The following NADK2 variants were observed in gnomAD, a reference collection of about 807,000 sequenced individuals.
NADK2 encodes NAD kinase domain-containing protein 1, mitochondrial.
Under a neutral mutation model 62.1 loss-of-function variants are expected in NADK2, and 35 were observed. The ratio of observed to expected loss-of-function variants is 0.56; its 90% confidence interval spans 0.43 to 0.75. NADK2 has a LOEUF of 0.75. Among genes scored for constraint, NADK2 ranks in the 30% least tolerant of loss-of-function variants. The probability of loss-of-function intolerance (pLI) is 0.00; values close to 1 mark genes in which losing one functional copy is unlikely to be tolerated. For missense variants in NADK2, 439 were observed against 561.3 expected, an observed-to-expected ratio of 0.78 and a Z score of 2.20; for synonymous variants, 205 against 207.9, an observed-to-expected ratio of 0.99 and a Z score of 0.12.
chr5:36,227,618 T>C (rs1747532604), intron 1 of NADK2, 53 bp from the exon 2 acceptor site: 9 of 969,370 alleles, frequency 9.3e-6, no homozygotes, highest in African/African-American at 1.7e-5. Context: ...ACACATGATG[T>C]TCTAATATTA....
chr5:36,233,694 A>G (rs1747793368), intron 1 of NADK2, among the ~76,000 whole-genome samples: 1 of 152,196 alleles, frequency 6.6e-6, no homozygotes, highest in African/African-American at 2.4e-5. Context: ...TATAAAACAT[A>G]CAAGGCTAAA....
Position 36,193,644 on chromosome 5 carries a change from C to A in NADK2, c.*1500G>T, listed in dbSNP as rs1224293749. The A allele has an allele frequency of 2.0e-5, 3 of 151,438 alleles. No individual in the cohort carries two copies. Among genetic ancestry groups the A allele is most frequent in the Non-Finnish European group, 2.9e-5 (2 of 67,920 alleles). 9.4% of individuals were successfully genotyped at this position (151,438 alleles called of 1,614,324 possible). On this transcript the variant is annotated 3_prime_UTR_variant, in exon 12 of 12. Transcript: ENST00000381937. ...ATTTCTATCTGATATGTCATAAATT[C>A]TTTGCTATGAATGTCTACGCAGATA...
Position 36,241,356 on chromosome 5 carries a change from G to A in NADK2, c.300+143C>T, listed in dbSNP as rs1418557761. ...AAGGAGGCCCAGGGAGAAGCCAGAGGACCTGGGGGCCGCGAGAGAGGCAGG... is the reference window on the plus strand; with the variant it reads ...AAGGAGGCCCAGGGAGAAGCCAGAGAACCTGGGGGCCGCGAGAGAGGCAGG... On this transcript the variant is annotated intron_variant, in intron 1 of 11. Coordinates refer to ENST00000381937, the MANE Select transcript of NADK2 (RefSeq NM_001085411.3). This position sits in a 1 kb window ranked among gnomAD's most constrained non-coding sequence, Gnocchi z 4.9. The A allele has an allele frequency of 2.4e-4, 314 of 1,331,234 alleles. No homozygotes were observed. Among genetic ancestry groups the A allele is most frequent in the Middle Eastern group, 2.8e-4 (1 of 3,524 alleles). The allele number at this position is 1,331,234 out of a possible 1,614,324, so 82.5% of individuals were successfully genotyped here. A position where few individuals can be genotyped will look rare whatever the true frequency, so the allele number is the denominator to read the frequency against.
Position 36,241,021 on chromosome 5 carries a change from C to A in NADK2, c.300+478G>T, listed in dbSNP as rs1748090508. On this transcript the variant is annotated intron_variant, in intron 1 of 11. Coordinates refer to ENST00000381937, the MANE Select transcript of NADK2 (RefSeq NM_001085411.3). This position sits in a 1 kb window ranked among gnomAD's most constrained non-coding sequence, Gnocchi z 4.9. ...GGGGTGTGTCCGCGGTTGTTTCGGCCCTTTTCCCCCGGCAGCCCTCAGCGG... is the reference window on the plus strand; with the variant it reads ...GGGGTGTGTCCGCGGTTGTTTCGGCACTTTTCCCCCGGCAGCCCTCAGCGG... 6.6e-6 allele frequency among the ~76,000 whole-genome samples: 1 copy of A among 152,208 alleles called. No individual in the cohort carries two copies. The highest frequency in any genetic ancestry group is 1.5e-5 in the Non-Finnish European group (1 of 68,028).
intron 6 of NADK2, 42 bp from the exon 7 acceptor site, chr5:36,211,964 T>C: frequency 7.0e-7 from 1 of 1,431,096 alleles, no homozygotes; most frequent in African/African-American, 1.4e-5. Flanking sequence ...GATAGCTCCT[T>C]GATTTCTAGA....
At position 36,194,145 on chromosome 5, in the gene NADK2, A is replaced by G. The variant is rs1163807903; in HGVS notation, c.*999T>C. The G allele has an allele frequency of 6.6e-6, 1 of 152,208 alleles. No homozygotes were observed. Among genetic ancestry groups the G allele is most frequent in the Non-Finnish European group, 1.5e-5 (1 of 68,014 alleles). 9.4% of individuals were successfully genotyped at this position (152,208 alleles called of 1,614,324 possible). A position where few individuals can be genotyped will look rare whatever the true frequency, so the allele number is the denominator to read the frequency against. The stretch of plus-strand genomic sequence containing the variant: ...ATGGGGAAAAAAAAAAAGTCCTAAC[A>G]TCTTATCCTAAAAGCTATTCTGTAA... On this transcript the variant is annotated 3_prime_UTR_variant, in exon 12 of 12. Transcript: ENST00000381937.
chr5:36,209,882 T>C (rs1452014895), intron 7 of NADK2, among the ~76,000 whole-genome samples: 2 of 152,194 alleles, frequency 1.3e-5, no homozygotes, highest in African/African-American at 4.8e-5. Flanking sequence ...AAATATTACA[T>C]AAACAAACTA....
chr5:36,231,656 G>A (rs1308849844), intron 1 of NADK2, among the ~76,000 whole-genome samples: 1 of 152,150 alleles, frequency 6.6e-6, no homozygotes, highest in Non-Finnish European at 1.5e-5. Context: ...GAGTACTGAA[G>A]TCCAATAATT....
intron 8 of NADK2, among the ~76,000 whole-genome samples, chr5:36,206,050 AC>A (rs1314501366): frequency 2.6e-5 from 4 of 152,070 alleles, no homozygotes; most frequent in Non-Finnish European, 5.9e-5. Context: ...AGGACAGAAA[AC>A]CAAACACCGC....
chr5:36,213,936 A>G (rs1561063775), intron 6 of NADK2, among the ~76,000 whole-genome samples: 1 of 151,978 alleles, frequency 6.6e-6, no homozygotes, highest in East Asian at 1.9e-4. Context: ...TTCCACCTCT[A>G]TTCCCATTTT....
At chr5:36,227,433 C>T (rs1387373787) in intron 2 of NADK2, 44 bp downstream of exon 2, 2 of 969,220 alleles carry the variant, frequency 2.1e-6, no homozygotes, top group Non-Finnish European at 2.8e-6. Context: ...AACTGGAAGT[C>T]CTGAATATAA....
chr5:36,223,483 T>C (rs16902829), intron 4 of NADK2, among the ~76,000 whole-genome samples: 1 of 152,030 alleles, frequency 6.6e-6, no homozygotes, highest in African/African-American at 2.4e-5. Context: ...AACACCAGTA[T>C]TTAGCCAGTA....
rs1034788391 is a variant in NADK2 at position 36,205,465 on chromosome 5, T to G, written c.956+1705A>C. On this transcript the variant is annotated intron_variant, in intron 8 of 11. Coordinates refer to ENST00000381937, the MANE Select transcript of NADK2 (RefSeq NM_001085411.3). This position sits in a 1 kb window ranked among gnomAD's most constrained non-coding sequence, Gnocchi z 4.1. The stretch of plus-strand genomic sequence containing the variant: ...TGAGAATTGCAAGTAGCTGTGCCAA[T>G]TCTAGTGTGCCATAGGTGGGGGTAA... 6.6e-6 allele frequency among the ~76,000 whole-genome samples: 1 copy of G among 151,974 alleles called. No individual in the cohort carries two copies. Among genetic ancestry groups the G allele is most frequent in the African/African-American group, 2.4e-5 (1 of 41,392 alleles).
At chr5:36,206,867 TC>T (rs1746660746) in intron 8 of NADK2, among the ~76,000 whole-genome samples, 1 of 152,148 alleles carries the variant, frequency 6.6e-6, no homozygotes, top group Non-Finnish European at 1.5e-5. Flanking sequence ...TACTTTGTAT[TC>T]ATTTCCTTAC....
At chr5:36,200,329 T>TTA (rs772367029) in intron 9 of NADK2, 49 bp from the exon 10 acceptor site, 9 of 1,147,560 alleles carry the variant, frequency 7.8e-6, no homozygotes, top group Non-Finnish European at 9.4e-6. Flanking sequence ...TATATATATC[T>TTA]TATATATATA....
intron 1 of NADK2, among the ~76,000 whole-genome samples, chr5:36,229,942 T>G (rs145892544): frequency 6.6e-6 from 1 of 151,620 alleles, no homozygotes; most frequent in Non-Finnish European, 1.5e-5. Context: ...TTTGCTTATT[T>G]CCACATCCAA....
chr5:36,234,194 G>A (rs1032495070), intron 1 of NADK2, among the ~76,000 whole-genome samples: 6 of 151,474 alleles, frequency 4.0e-5, no homozygotes, highest in Admixed American at 3.3e-4. Context: ...CTAACACGGT[G>A]AAACCCCGTC....
chr5:36,221,455 G>A (rs1462269198), intron 4 of NADK2: 1 of 152,026 alleles, frequency 6.6e-6, no homozygotes, highest in Non-Finnish European at 1.5e-5. Flanking sequence ...TAAGTTTTGG[G>A]GTGATTAGTT....
intron 5 of NADK2, among the ~76,000 whole-genome samples, chr5:36,218,532 C>G (rs1327778048): frequency 2.6e-5 from 4 of 152,112 alleles, no homozygotes; most frequent in African/African-American, 7.2e-5. Context: ...CATTTCTTGT[C>G]AAACTTCTGA....
Sources: allele counts gnomAD v4.1 joint callset (sites outside exome capture counted in the v4.1 genomes callset), GRCh38; gene constraint gnomAD v4.1.1; non-coding constraint Gnocchi (gnomAD v3.1); transcripts MANE v1.5; gene names NCBI Gene and HGNC (gene_info 2026-07-23, HGNC 2026-07-21).